ASIC2: variants seen among roughly 807,000 people sequenced by gnomAD.
ASIC2 encodes the protein acid-sensing ion channel 2.
In ASIC2, 25 loss-of-function variants were observed where a neutral mutation model predicts 57.3. The observed-to-expected ratio is 0.44, with a 90% CI of 0.32 to 0.61. ASIC2 has a LOEUF of 0.61. Ranked by LOEUF, ASIC2 falls within the 20% of genes least tolerant of loss-of-function variation. The pLI, the probability that ASIC2 is intolerant of heterozygous loss-of-function variation, is 0.06. For synonymous variants in ASIC2, 319 were observed against 307.5 expected, an observed-to-expected ratio of 1.04 and a Z score of -0.39; for missense variants, 641 against 738.1, an observed-to-expected ratio of 0.87 and a Z score of 1.52.
chr17:33,083,013 T>C (rs1272405930), intron 3 of ASIC2, among the ~76,000 whole-genome samples: 2 of 152,216 alleles, frequency 1.3e-5, no homozygotes, highest in African/African-American at 2.4e-5. Context: ...CCAGAAACGA[T>C]ATGAATATAT....
chr17:33,185,988 G>A (rs928009659), intron 1 of ASIC2, among the ~76,000 whole-genome samples: 1 of 152,220 alleles, frequency 6.6e-6, no homozygotes, highest in African/African-American at 2.4e-5. Context: ...AACATTTTCT[G>A]TAAAGGGACA....
intron 1 of ASIC2, among the ~76,000 whole-genome samples, chr17:33,954,352 C>T (rs1227505882): frequency 6.6e-6 from 1 of 152,154 alleles, no homozygotes; most frequent in African/African-American, 2.4e-5. Flanking sequence ...TCAAACTGGG[C>T]CACACATGAT....
chr17:33,436,974 T>C (rs1448274545), intron 1 of ASIC2, among the ~76,000 whole-genome samples: 1 of 145,400 alleles, frequency 6.9e-6, no homozygotes, highest in Non-Finnish European at 1.5e-5. Context: ...CATGCCATTC[T>C]CCTGCCTCAG....
intron 1 of ASIC2, chr17:34,039,440 C>A: frequency 6.2e-7 from 1 of 1,613,726 alleles, no homozygotes; most frequent in East Asian, 2.2e-5. Flanking sequence ...GTTGGCAGAG[C>A]AGACTGCTCC....
upstream of ASIC2, among the ~76,000 whole-genome samples, chr17:33,297,992 G>A (rs1437688800): frequency 8.5e-5 from 11 of 129,954 alleles, no homozygotes; most frequent in South Asian, 4.7e-4. Flanking sequence ...TGTAGTTTTC[G>A]TGGCTCTGTG....
At chr17:33,546,246 T>C (rs1174149935) in intron 1 of ASIC2, among the ~76,000 whole-genome samples, 1 of 151,846 alleles carries the variant, frequency 6.6e-6, no homozygotes, top group East Asian at 1.9e-4. Flanking sequence ...CAATCACATA[T>C]ATTCATCTTA....
intron 1 of ASIC2, among the ~76,000 whole-genome samples, chr17:33,430,531 A>G (rs1597725727): frequency 1.3e-5 from 2 of 152,144 alleles, no homozygotes; most frequent in African/African-American, 2.4e-5. Flanking sequence ...ATCTAGATGT[A>G]GGGCTGGGAA....
intron 1 of ASIC2, among the ~76,000 whole-genome samples, chr17:33,308,131 G>T (rs955356207): frequency 6.6e-6 from 1 of 152,184 alleles, no homozygotes; most frequent in African/African-American, 2.4e-5. Context: ...ATTGATAACA[G>T]AACTGATAAC....
intron 1 of ASIC2, among the ~76,000 whole-genome samples, chr17:33,466,477 T>C (rs766604238): frequency 2.0e-5 from 3 of 152,056 alleles, no homozygotes; most frequent in African/African-American, 4.8e-5. Flanking sequence ...CTCCACAGAA[T>C]TGGGAAAAAA....
At chr17:33,714,147 G>A (rs1909138022) in intron 1 of ASIC2, among the ~76,000 whole-genome samples, 1 of 152,056 alleles carries the variant, frequency 6.6e-6, no homozygotes, top group African/African-American at 2.4e-5. Context: ...TCCCCATGAG[G>A]TGATATTTGG....
At chr17:33,321,273 T>C (rs957517544) in intron 1 of ASIC2, among the ~76,000 whole-genome samples, 2 of 152,160 alleles carry the variant, frequency 1.3e-5, no homozygotes, top group African/African-American at 2.4e-5. Flanking sequence ...AAATGGATGA[T>C]TAGTTTTTGC....
chr17:33,432,435 G>C (rs1288455056), intron 1 of ASIC2, among the ~76,000 whole-genome samples: 1 of 152,076 alleles, frequency 6.6e-6, no homozygotes, highest in African/African-American at 2.4e-5. Context: ...GGATCCCTTT[G>C]GGAGGATCGC....
At chr17:34,075,050 G>T (rs998315635) in intron 1 of ASIC2, among the ~76,000 whole-genome samples, 1 of 152,132 alleles carries the variant, frequency 6.6e-6, no homozygotes, top group Non-Finnish European at 1.5e-5. Flanking sequence ...CTCCCAAAGT[G>T]CTGGGATTAC....
chr17:33,090,526 T>C (rs533248572), intron 2 of ASIC2, among the ~76,000 whole-genome samples: 2 of 151,398 alleles, frequency 1.3e-5, no homozygotes, highest in South Asian at 4.2e-4. Flanking sequence ...CAAGGAATGT[T>C]CTCAAAGAAA....
chr17:33,625,205 A>G (rs545328389), intron 1 of ASIC2, among the ~76,000 whole-genome samples: 60 of 130,762 alleles, frequency 4.6e-4, no homozygotes, highest in African/African-American at 1.6e-3. Flanking sequence ...TCTGTCATCT[A>G]TCTATCTATC....
intron 1 of ASIC2, among the ~76,000 whole-genome samples, chr17:33,822,183 C>T (rs1912763362): frequency 6.6e-6 from 1 of 152,176 alleles, no homozygotes; most frequent in Admixed American, 6.5e-5. Flanking sequence ...CAGCTCAATC[C>T]TCTGAGCTAC....
At chr17:33,260,197 G>A (rs1456976127) in intron 1 of ASIC2, among the ~76,000 whole-genome samples, 1 of 152,224 alleles carries the variant, frequency 6.6e-6, no homozygotes, top group Non-Finnish European at 1.5e-5. Context: ...GGCAGGGGCA[G>A]ATCTGTGGAT....
chr17:33,701,840 C>G (rs1908710958), intron 1 of ASIC2, among the ~76,000 whole-genome samples: 1 of 152,222 alleles, frequency 6.6e-6, no homozygotes, highest in African/African-American at 2.4e-5. Flanking sequence ...AATAGTCCAG[C>G]CTGCCTCTGC....
At chr17:33,307,595 C>G (rs934285120) in intron 1 of ASIC2, among the ~76,000 whole-genome samples, 1 of 152,196 alleles carries the variant, frequency 6.6e-6, no homozygotes, top group African/African-American at 2.4e-5. Context: ...CAGGCATAAG[C>G]CAGCACACCC....
Sources: gnomAD v4.1 joint callset for allele counts (sites outside exome capture counted in the v4.1 genomes callset) on GRCh38, gnomAD v4.1.1 for gene constraint, MANE v1.5 for transcripts, NCBI Gene and HGNC (gene_info 2026-07-23, HGNC 2026-07-21) for gene names.